Variants in STAG1 observed in about 807,000 individuals in gnomAD.
STAG1 encodes cohesin subunit SA-1.
Under a neutral mutation model 170.9 loss-of-function variants are expected in STAG1, and 26 were observed. That is an observed-to-expected ratio of 0.15 (90% confidence interval 0.11 to 0.21). The LOEUF is 0.21. Among genes scored for constraint, STAG1 ranks in the 10% least tolerant of loss-of-function variants. The pLI is 1.00. For missense variants in STAG1, 964 were observed against 1,509.5 expected (o/e 0.64, Z 5.99); for synonymous variants, 514 against 497.7 (o/e 1.03, Z -0.44).
chr3:136,572,534 G>A (rs1313894454), intron 4 of STAG1, among the ~76,000 whole-genome samples: 1 of 146,516 alleles, frequency 6.8e-6, no homozygotes, highest in African/African-American at 2.5e-5. Flanking sequence ...GGAGGTTGAG[G>A]AGGAAGCTGC....
At chr3:136,719,278 T>C (rs997169764) in intron 1 of STAG1, among the ~76,000 whole-genome samples, 6 of 152,044 alleles carry the variant, frequency 3.9e-5, no homozygotes, top group Non-Finnish European at 5.9e-5. Flanking sequence ...TATAAATGAT[T>C]CCAATTTTAT....
At chr3:136,365,080 A>T (rs1937025282) in intron 25 of STAG1, among the ~76,000 whole-genome samples, 1 of 152,190 alleles carries the variant, frequency 6.6e-6, no homozygotes, top group Non-Finnish European at 1.5e-5. Flanking sequence ...TACTCACAAA[A>T]AGGTTAGAGC....
chr3:136,668,265 T>C (rs1412071705), intron 1 of STAG1, among the ~76,000 whole-genome samples: 1 of 147,068 alleles, frequency 6.8e-6, no homozygotes, highest in Non-Finnish European at 1.5e-5. Flanking sequence ...CATTATATAT[T>C]ATACATAATA....
chr3:136,591,269 GGGGAGGAGGGAAGGCGGGAAGGT>G (rs2065324724), intron 4 of STAG1, among the ~76,000 whole-genome samples: 1 of 147,192 alleles, frequency 6.8e-6, no homozygotes. Flanking sequence ...GGAGGGAGGA[GGGGAGGAGGGAAGGCGGGAAGGT>G]GGGAAGGCAG....
At chr3:136,491,084 CACT>C (rs962623744) in intron 9 of STAG1, among the ~76,000 whole-genome samples, 2 of 152,054 alleles carry the variant, frequency 1.3e-5, no homozygotes, top group African/African-American at 4.8e-5. Context: ...AAATTGTACT[CACT>C]ACTACTACTT....
intron 5 of STAG1, among the ~76,000 whole-genome samples, chr3:136,543,128 G>C (rs1935986365): frequency 6.6e-6 from 1 of 152,088 alleles, no homozygotes; most frequent in Non-Finnish European, 1.5e-5. Context: ...AGATACTCTA[G>C]TAAAACTGGT....
intron 1 of STAG1, among the ~76,000 whole-genome samples, chr3:136,748,571 T>C (rs1277967925): frequency 7.5e-6 from 1 of 134,050 alleles, no homozygotes; most frequent in African/African-American, 3.2e-5. Flanking sequence ...AATTTTTGTA[T>C]TTTTAGTATA....
intron 1 of STAG1, among the ~76,000 whole-genome samples, chr3:136,697,601 T>G (rs1005039733): frequency 1.3e-5 from 2 of 152,166 alleles, no homozygotes; most frequent in Non-Finnish European, 2.9e-5. Flanking sequence ...TTTTTAACAA[T>G]TCCAATTATT....
chr3:136,366,121 C>T (rs1179085226), intron 25 of STAG1, among the ~76,000 whole-genome samples: 1 of 151,932 alleles, frequency 6.6e-6, no homozygotes, highest in Non-Finnish European at 1.5e-5. Context: ...AAGAGCTAAG[C>T]TTTGAAGTTA....
intron 6 of STAG1, among the ~76,000 whole-genome samples, chr3:136,528,487 TCCCCGCAC>T (rs1465604767): frequency 2.3e-5 from 1 of 43,784 alleles, no homozygotes; most frequent in African/African-American, 6.9e-5. Context: ...GCAACAGATG[TCCCCGCAC>T]CCCCCCCCCC....
intron 16 of STAG1, among the ~76,000 whole-genome samples, chr3:136,424,444 C>T (rs2088054475): frequency 6.6e-6 from 1 of 151,270 alleles, no homozygotes; most frequent in Non-Finnish European, 1.5e-5. Flanking sequence ...GAGCGATTCT[C>T]CTGCCTCAGC....
chr3:136,606,195 T>A (rs113726665), intron 3 of STAG1, among the ~76,000 whole-genome samples: 7 of 151,992 alleles, frequency 4.6e-5, no homozygotes, highest in African/African-American at 1.4e-4. Flanking sequence ...TCTTTGAATT[T>A]TTTTTTTTTT....
intron 1 of STAG1, among the ~76,000 whole-genome samples, chr3:136,664,930 C>T (rs777408207): frequency 2.0e-5 from 3 of 152,180 alleles, no homozygotes; most frequent in Admixed American, 1.3e-4. Context: ...TCTAAGAGAG[C>T]AGGCAGAGCT....
intron 4 of STAG1, among the ~76,000 whole-genome samples, chr3:136,592,369 C>A (rs1372659329): frequency 6.6e-6 from 1 of 152,086 alleles, no homozygotes; most frequent in Non-Finnish European, 1.5e-5. Context: ...TGGCATTTCC[C>A]CTGCTAGCAC....
intron 3 of STAG1, among the ~76,000 whole-genome samples, chr3:136,612,244 C>T (rs1939333646): frequency 6.6e-6 from 1 of 152,106 alleles, no homozygotes; most frequent in African/African-American, 2.4e-5. Flanking sequence ...GGTTGCTCAA[C>T]CGTAACTGGA....
intron 4 of STAG1, among the ~76,000 whole-genome samples, chr3:136,595,676 CAATA>C (rs59472050): frequency 0.27 from 34,388 of 126,810 alleles, 5,189 homozygotes; most frequent in African/African-American, 0.41. Flanking sequence ...GACTCCATCT[CAATA>C]AATAAATAAA....
chr3:136,418,686 G>A (rs2087855119), intron 20 of STAG1, among the ~76,000 whole-genome samples: 1 of 151,564 alleles, frequency 6.6e-6, no homozygotes, highest in Non-Finnish European at 1.5e-5. Flanking sequence ...CCGTCGCCCA[G>A]GCTGAAGTGA....
chr3:136,579,745 T>C (rs1233058517), intron 4 of STAG1, among the ~76,000 whole-genome samples: 1 of 152,216 alleles, frequency 6.6e-6, no homozygotes, highest in African/African-American at 2.4e-5. Flanking sequence ...TCCTACATTC[T>C]ACTTTGCATA....
chr3:136,659,037 T>C (rs543487329), intron 1 of STAG1, among the ~76,000 whole-genome samples: 95 of 152,286 alleles, frequency 6.2e-4, no homozygotes, highest in African/African-American at 2.2e-3. Flanking sequence ...TTTGACGCTA[T>C]TCCTGGTTTT....
Sources: allele counts gnomAD v4.1 joint callset (sites outside exome capture counted in the v4.1 genomes callset), GRCh38; gene constraint gnomAD v4.1.1; transcripts MANE v1.5; gene names NCBI Gene and HGNC (gene_info 2026-07-23, HGNC 2026-07-21).